The following VGLL4 variants were observed in gnomAD, a reference collection of about 807,000 sequenced individuals.
VGLL4 encodes vestigial like family member 4.
VGLL4 carries 7 observed loss-of-function variants against 21.0 expected under a neutral mutation model. The observed-to-expected ratio is 0.33, with a 90% CI of 0.19 to 0.63. The LOEUF (loss-of-function observed/expected upper bound fraction) is 0.63, where lower values mean the gene tolerates loss of function less well. Among genes scored for constraint, VGLL4 ranks in the 20% least tolerant of loss-of-function variants. VGLL4 has a pLI of 0.78. For synonymous variants in VGLL4, 222 were observed against 173.2 expected, an observed-to-expected ratio of 1.28 and a Z score of -2.21; for missense variants, 394 against 425.7, an observed-to-expected ratio of 0.93 and a Z score of 0.66.
intron 2 of VGLL4, chr3:11,702,862 C>A: frequency 3.1e-6 from 3 of 983,228 alleles, no homozygotes; most frequent in East Asian, 6.8e-5. Flanking sequence ...CCAAAATTAA[C>A]AGCAAATAGC....
At chr3:11,576,299 CA>C (rs1335229749) in intron 2 of VGLL4, among the ~76,000 whole-genome samples, 1 of 152,154 alleles carries the variant, frequency 6.6e-6, no homozygotes, top group Non-Finnish European at 1.5e-5. Flanking sequence ...TTAGAGTTTT[CA>C]AATGAATGGA....
intron 2 of VGLL4, among the ~76,000 whole-genome samples, chr3:11,674,368 T>A (rs1250312826): frequency 1.3e-5 from 2 of 152,176 alleles, no homozygotes; most frequent in African/African-American, 4.8e-5. Context: ...GACACGGAAC[T>A]GCGGCTAGAG....
chr3:11,610,004 C>T (rs555277035), intron 1 of VGLL4, among the ~76,000 whole-genome samples: 4 of 152,208 alleles, frequency 2.6e-5, no homozygotes, highest in East Asian at 1.9e-4. Context: ...TTCAGCCCCC[C>T]TCCCAGCCCC....
chr3:11,576,804 C>T (rs1056032062), intron 2 of VGLL4, among the ~76,000 whole-genome samples: 1 of 152,184 alleles, frequency 6.6e-6, no homozygotes, highest in Admixed American at 6.5e-5. Flanking sequence ...CCACTGCCTC[C>T]GATGCCCGCC....
rs543405310 is a variant in VGLL4, at chr3:11,624,932, G to A, written c.82+18505C>T. 1.1e-4 allele frequency among the ~76,000 whole-genome samples: 17 copies of A among 152,276 alleles called. No homozygotes were observed. In the East Asian group the frequency reaches 2.1e-3, roughly 19 times the overall value. ...CACCACGATCACGCTCTGAGAGGCC[G>A]CCGCAGGTAAACAGAGGGATAGGGT... On this transcript the variant is annotated intron_variant, in intron 1 of 4. Transcript: ENST00000430365.
chr3:11,701,365 A>T (rs1000628048), intron 2 of VGLL4, among the ~76,000 whole-genome samples: 3 of 151,866 alleles, frequency 2.0e-5, no homozygotes, highest in Non-Finnish European at 4.4e-5. Flanking sequence ...CCAAGCAGAC[A>T]CTCATGCCAT....
At chr3:11,610,984 C>T (rs2075050282) in intron 1 of VGLL4, among the ~76,000 whole-genome samples, 1 of 152,286 alleles carries the variant, frequency 6.6e-6, no homozygotes, top group Middle Eastern at 3.4e-3. Context: ...TTCTCAAGGT[C>T]GCAAAGCTGA....
chr3:11,583,209 C>T lies in VGLL4; in HGVS notation c.273-18190G>A, dbSNP rs189742887. Among the ~76,000 whole-genome samples, 37 of 152,276 alleles carry T rather than the reference C, an allele frequency of 2.4e-4. No homozygotes were observed. The East Asian group carries it at 5.6e-3, about 23-fold the overall frequency. ...GAAAGTAACACCAATTGAAGCACCA[C>T]GGTATTTATCAGAGTAAACTCTGAT... On this transcript the variant is annotated intron_variant, in intron 2 of 4. Coordinates refer to ENST00000430365, the MANE Select transcript of VGLL4 (RefSeq NM_001128219.3).
intron 2 of VGLL4, among the ~76,000 whole-genome samples, chr3:11,662,181 CCCAAGAGAAATGAAGGCAGAA>C (rs1327271122): frequency 6.6e-6 from 1 of 152,092 alleles, no homozygotes; most frequent in Non-Finnish European, 1.5e-5. Flanking sequence ...ACAAGAAAAC[CCCAAGAGAAATGAAGGCAGAA>C]CCTGAGAACA....
At chr3:11,674,062 C>T (rs555922491) in intron 2 of VGLL4, among the ~76,000 whole-genome samples, 15 of 151,392 alleles carry the variant, frequency 9.9e-5, no homozygotes, top group African/African-American at 3.6e-4. Flanking sequence ...TTCACATTTC[C>T]CATTGGTAAC....
At chr3:11,599,322 C>T (rs1288081514) in intron 2 of VGLL4, among the ~76,000 whole-genome samples, 3 of 151,402 alleles carry the variant, frequency 2.0e-5, no homozygotes, top group Admixed American at 2.0e-4. Flanking sequence ...AGGGGGGAGT[C>T]ACCTGGCTGG....
chr3:11,685,230 G>A (rs1251809409), intron 2 of VGLL4, among the ~76,000 whole-genome samples: 12 of 142,436 alleles, frequency 8.4e-5, no homozygotes, highest in East Asian at 2.1e-4. Flanking sequence ...ATGGAGTCTC[G>A]CTCTATTGCC....
At chr3:11,694,284 T>C (rs1575537740) in intron 2 of VGLL4, among the ~76,000 whole-genome samples, 1 of 152,328 alleles carries the variant, frequency 6.6e-6, no homozygotes, top group South Asian at 2.1e-4. Flanking sequence ...TCACCAAGTA[T>C]TGCTGTAAGA....
intron 1 of VGLL4, among the ~76,000 whole-genome samples, chr3:11,611,407 A>C (rs1012884840): frequency 6.6e-6 from 1 of 152,164 alleles, no homozygotes; most frequent in Non-Finnish European, 1.5e-5. Flanking sequence ...CCAAGGAGAG[A>C]GCCTGCCGGA....
intron 1 of VGLL4, among the ~76,000 whole-genome samples, chr3:11,607,775 T>TA (rs1303796176): frequency 6.6e-6 from 1 of 152,260 alleles, no homozygotes; most frequent in East Asian, 1.9e-4. Context: ...TTATTACAGT[T>TA]ACATCTCCCT....
intron 1 of VGLL4, among the ~76,000 whole-genome samples, chr3:11,714,627 ATCTC>A (rs919690113): frequency 6.6e-6 from 1 of 151,980 alleles, no homozygotes; most frequent in Non-Finnish European, 1.5e-5. Flanking sequence ...GATATTATGA[ATCTC>A]TCTCTCTTCA....
rs5846726 is a variant in VGLL4, at chr3:11,719,731, G to GC, written c.-14+662dup. ...CCCTCACGGAGCAGGTGGGGGCTGA[G>GC]CCAGGTGAGCCGGGAGGGAGATAGG... On this transcript the variant is annotated intron_variant, in intron 1 of 5. Transcript: ENST00000273038. The surrounding 1 kb of genome is among the most constrained non-coding windows in gnomAD (Gnocchi z 4.0). 1 allele frequency: 152,149 copies of GC among 152,154 alleles called. 76,072 individuals are homozygous for GC. Among genetic ancestry groups the GC allele is most frequent in the Middle Eastern group, 1 (292 of 292 alleles). 9.4% of individuals were successfully genotyped at this position (152,154 alleles called of 1,614,324 possible). A position where few individuals can be genotyped will look rare whatever the true frequency, so the allele number is the denominator to read the frequency against.
intron 1 of VGLL4, among the ~76,000 whole-genome samples, chr3:11,605,881 CA>C (rs2074929472): frequency 6.6e-6 from 1 of 152,066 alleles, no homozygotes; most frequent in Admixed American, 6.5e-5. Flanking sequence ...ACTCTTACAA[CA>C]ATTAAAAAGA....
intron 2 of VGLL4, among the ~76,000 whole-genome samples, chr3:11,598,931 G>A (rs2074712368): frequency 6.6e-6 from 1 of 152,174 alleles, no homozygotes; most frequent in Non-Finnish European, 1.5e-5. Flanking sequence ...TCTCCTTAAA[G>A]AGATACACTA....
Sources: gnomAD v4.1 joint callset for allele counts (sites outside exome capture counted in the v4.1 genomes callset) on GRCh38, gnomAD v4.1.1 for gene constraint, Gnocchi (gnomAD v3.1) non-coding constraint, MANE v1.5 for transcripts, NCBI Gene and HGNC (gene_info 2026-07-23, HGNC 2026-07-21) for gene names.